FANCC: variants seen among roughly 807,000 people sequenced by gnomAD.
FANCC encodes Fanconi anemia group C protein.
A neutral mutation model predicts 71.3 loss-of-function variants in FANCC; 55 were observed. That is an observed-to-expected ratio of 0.77 (90% CI 0.62 to 0.97). The LOEUF (loss-of-function observed/expected upper bound fraction) is 0.97. FANCC is among the 50% of genes least tolerant of loss of function. The pLI, the probability that FANCC is intolerant of heterozygous loss-of-function variation, is 0.00. For synonymous variants in FANCC, 275 were observed against 244.9 expected (o/e 1.12, Z -1.15); for missense variants, 678 against 670.9 (o/e 1.01, Z -0.12).
chr9:95,144,421 T>C (rs187006357), intron 7 of FANCC, among the ~76,000 whole-genome samples: 66 of 152,268 alleles, frequency 4.3e-4, no homozygotes, highest in Middle Eastern at 6.8e-3. Context: ...CAAGCAAAAT[T>C]ACAAGCAAGG....
In FANCC at chr9:95,100,113, C is replaced by T. The variant is rs1469626981; in HGVS notation, c.*1594G>A. 4.3e-6 allele frequency: 1 copy of T among 232,472 alleles called. No individual in the cohort carries two copies. The highest frequency in any genetic ancestry group is 2.2e-5 in the African/African-American group (1 of 45,310). 14.4% of individuals were successfully genotyped at this position (232,472 alleles called of 1,614,324 possible). A position where few individuals can be genotyped will look rare whatever the true frequency, so the allele number is the denominator to read the frequency against. ...AGAACAGGAGAGAGGCCCTCAACTC[C>T]AGTGAAGCATGCAGCTCCTTTTTCA... On this transcript the variant is annotated 3_prime_UTR_variant, in exon 15 of 15. Transcript: ENST00000289081.
intron 6 of FANCC, among the ~76,000 whole-genome samples, chr9:95,151,101 C>T (rs1830145089): frequency 6.6e-6 from 1 of 152,194 alleles, no homozygotes; most frequent in Non-Finnish European, 1.5e-5. Flanking sequence ...CGCCACTGGA[C>T]ACTCGAGCTT....
intron 4 of FANCC, among the ~76,000 whole-genome samples, chr9:95,227,517 T>TA (rs1164051066): frequency 6.6e-6 from 1 of 152,194 alleles, no homozygotes; most frequent in Non-Finnish European, 1.5e-5. Context: ...ACAGAAGTGT[T>TA]ATTAGTCTCC....
chr9:95,146,769 C>T (rs141012726), intron 7 of FANCC, among the ~76,000 whole-genome samples: 43 of 151,828 alleles, frequency 2.8e-4, no homozygotes, highest in African/African-American at 1.0e-3. Flanking sequence ...CAGCAGTAGT[C>T]AGAGGCCATG....
chr9:95,201,493 T>C (rs1409033344), intron 4 of FANCC, among the ~76,000 whole-genome samples: 1 of 152,174 alleles, frequency 6.6e-6, no homozygotes, highest in African/African-American at 2.4e-5. Flanking sequence ...AAGCCCACAC[T>C]TATCCACACT....
chr9:95,263,159 T>C (rs947627031), intron 1 of FANCC, among the ~76,000 whole-genome samples: 36 of 152,192 alleles, frequency 2.4e-4, no homozygotes, highest in African/African-American at 8.2e-4. Flanking sequence ...GTGGCTCCAG[T>C]CCTGGCTGGC....
At chr9:95,132,973 T>G (rs1382982082) in intron 8 of FANCC, among the ~76,000 whole-genome samples, 1 of 152,224 alleles carries the variant, frequency 6.6e-6, no homozygotes, top group Non-Finnish European at 1.5e-5. Flanking sequence ...ACACTTTAAT[T>G]ACTCTCAGAA....
At chr9:95,112,363 C>G (rs764899497) in intron 12 of FANCC, among the ~76,000 whole-genome samples, 5 of 152,100 alleles carry the variant, frequency 3.3e-5, no homozygotes, top group Admixed American at 6.6e-5. Context: ...TGTTCCTGGC[C>G]CCTTTGTTGG....
At chr9:95,123,785 T>G in intron 10 of FANCC, 1 of 699,416 alleles carries the variant, frequency 1.4e-6, no homozygotes, top group Non-Finnish European at 2.7e-6. Flanking sequence ...GAATCGATCT[T>G]GTGAAGCCCA....
At chr9:95,110,869 C>G in intron 13 of FANCC, 2 of 1,198,972 alleles carry the variant, frequency 1.7e-6, no homozygotes, top group Non-Finnish European at 2.1e-6. Context: ...CTGTCTTTGC[C>G]ACAGACAGTT....
rs117001225 is a variant in FANCC, at chr9:95,173,336, G to T, written c.346-1189C>A. ...ACCCATCATGAAGCTTGGACTTCCA[G>T]GGGTGTGTCTGCCTAGAGGTTTGTC... On this transcript the variant is annotated intron_variant, in intron 4 of 14. Transcript: ENST00000289081. 3.3e-3 allele frequency among the ~76,000 whole-genome samples: 506 copies of T among 152,304 alleles called. 9 individuals carry two copies. The East Asian group carries it at 0.044, about 13-fold the overall frequency.
intron 1 of FANCC, among the ~76,000 whole-genome samples, chr9:95,305,215 A>G (rs77230728): frequency 2.0e-5 from 3 of 152,234 alleles, no homozygotes; most frequent in African/African-American, 7.2e-5. Flanking sequence ...CCATGCACAA[A>G]GAATTAGGCC....
At chr9:95,149,778 C>T (rs1235326865) in intron 7 of FANCC, 145 bp downstream of exon 7, 10 of 966,460 alleles carry the variant, frequency 1.0e-5, no homozygotes, top group African/African-American at 3.2e-5. Context: ...CACACCTGGC[C>T]GGGATACTCA....
Position 95,212,647 on chromosome 9 carries a change from C to T in FANCC, c.345+28002G>A, listed in dbSNP as rs552750840. ...GACATCACATGGAAATGTGTATCTG[C>T]AGGAAGAAAGGGAGAGTGCTGAAAA... On this transcript the variant is annotated intron_variant, in intron 4 of 14. Transcript: ENST00000289081. 1.6e-4 allele frequency among the ~76,000 whole-genome samples: 24 copies of T among 152,190 alleles called. No homozygotes were observed. In the South Asian group the frequency reaches 5.0e-3, roughly 32 times the overall value.
At chr9:95,125,056 T>C (rs1825764033) in intron 10 of FANCC, 30 bp downstream of exon 10, 2 of 1,566,244 alleles carry the variant, frequency 1.3e-6, no homozygotes, top group Non-Finnish European at 1.8e-6. Flanking sequence ...TTCTCTGGGA[T>C]GAATGAGTAA....
At chr9:95,233,068 C>T (rs1830105491) in intron 4 of FANCC, among the ~76,000 whole-genome samples, 1 of 152,128 alleles carries the variant, frequency 6.6e-6, no homozygotes, top group African/African-American at 2.4e-5. Context: ...AGATACCTCT[C>T]ACCCAGAATG....
intron 1 of FANCC, among the ~76,000 whole-genome samples, chr9:95,258,568 C>A (rs1216656535): frequency 2.6e-5 from 4 of 152,164 alleles, no homozygotes; most frequent in Non-Finnish European, 5.9e-5. Flanking sequence ...TTATGACAAA[C>A]CCACAGCAAA....
intron 1 of FANCC, chr9:95,294,638 C>T: frequency 1.3e-6 from 2 of 1,582,344 alleles, no homozygotes; most frequent in Non-Finnish European, 1.7e-6. Flanking sequence ...GAAACACAGA[C>T]CATGAGTTCT....
chr9:95,247,915 A>G (rs1831095143), intron 2 of FANCC, among the ~76,000 whole-genome samples: 1 of 152,242 alleles, frequency 6.6e-6, no homozygotes, highest in South Asian at 2.1e-4. Context: ...TTATTCTAAC[A>G]TAAGAGAGGT....
Sources: gnomAD v4.1 joint callset for allele counts (sites outside exome capture counted in the v4.1 genomes callset) on GRCh38, gnomAD v4.1.1 for gene constraint, MANE v1.5 for transcripts, NCBI Gene and HGNC (gene_info 2026-07-23, HGNC 2026-07-21) for gene names.